The following MAL2 variants were observed in gnomAD, a reference collection of about 807,000 sequenced individuals.
The protein encoded by MAL2 is protein MAL2.
MAL2 carries 17 observed loss-of-function variants against 18.1 expected under a neutral mutation model. The ratio of observed to expected loss-of-function variants is 0.94; its 90% confidence interval spans 0.64 to 1.41. The LOEUF is 1.41. MAL2 is among the 40% of genes most tolerant of loss of function. The pLI is 0.00. For missense variants in MAL2, 222 were observed against 231.9 expected (o/e 0.96, Z 0.28); for synonymous variants, 102 against 102.3 (o/e 1.00, Z 0.02).
chr8:119,220,097 T>A (rs999425114), intron 1 of MAL2, among the ~76,000 whole-genome samples: 1 of 152,160 alleles, frequency 6.6e-6, no homozygotes, highest in Non-Finnish European at 1.5e-5. Flanking sequence ...ACAAATGGCT[T>A]GGAATGCCAG....
intron 2 of MAL2, among the ~76,000 whole-genome samples, chr8:119,229,813 T>C (rs1293110231): frequency 6.6e-6 from 1 of 152,202 alleles, no homozygotes; most frequent in Admixed American, 6.5e-5. Flanking sequence ...CAGGGTTTTT[T>C]TCTCCTTCAC....
At chr8:119,226,657 A>G (rs907947187) in intron 2 of MAL2, among the ~76,000 whole-genome samples, 2 of 141,038 alleles carry the variant, frequency 1.4e-5, no homozygotes, top group South Asian at 4.5e-4. Context: ...GCAATTAAGA[A>G]AGAGGCTGGG....
At chr8:119,224,262 T>C (rs1406610338) in intron 2 of MAL2, 1 of 152,206 alleles carries the variant, frequency 6.6e-6, no homozygotes, top group Admixed American at 6.5e-5. Flanking sequence ...CATTCTATTC[T>C]GGGAAAATAA....
At chr8:119,227,409 T>C (rs1249194424) in intron 2 of MAL2, among the ~76,000 whole-genome samples, 1 of 152,262 alleles carries the variant, frequency 6.6e-6, no homozygotes, top group African/African-American at 2.4e-5. Context: ...AATGATACGC[T>C]CTACAAAGTC....
rs575599447 is a variant in MAL2 at position 119,243,528 on chromosome 8, G to A, written c.*40G>A. 1.3e-6 allele frequency: 2 copies of A among 1,528,578 alleles called. No individual in the cohort carries two copies. The highest frequency in any genetic ancestry group is 1.2e-5 in the South Asian group (1 of 81,128). 94.7% of individuals were successfully genotyped at this position (1,528,578 alleles called of 1,614,324 possible). A position where few individuals can be genotyped will look rare whatever the true frequency, so the allele number is the denominator to read the frequency against. ...TGGCAGTCGTATGTTAGTTTCACTT[G>A]TCTACTTTATATGTCTGATCAATTT... On this transcript the variant is annotated 3_prime_UTR_variant, in exon 4 of 4. Coordinates refer to ENST00000614891, the MANE Select transcript of MAL2 (RefSeq NM_052886.3).
At chr8:119,222,355 C>T (rs1817482304) in intron 2 of MAL2, among the ~76,000 whole-genome samples, 2 of 151,660 alleles carry the variant, frequency 1.3e-5, no homozygotes, top group Admixed American at 6.6e-5. Context: ...ATGGTGACAC[C>T]CCGTCTCTAC....
chr8:119,240,063 A>T, intron 2 of MAL2, 102 bp from the exon 3 acceptor site: 1 of 1,223,494 alleles, frequency 8.2e-7, no homozygotes, highest in East Asian at 2.4e-5. Context: ...AGATTGTTTA[A>T]TTAAATGTTT....
At chr8:119,236,897 G>GCAAA (rs1288874117) in intron 2 of MAL2, among the ~76,000 whole-genome samples, 3 of 149,804 alleles carry the variant, frequency 2.0e-5, no homozygotes, top group East Asian at 2.0e-4. Context: ...AAAAGCAAGA[G>GCAAA]CAAACACATT....
At chr8:119,215,012 G>C (rs1817326334) in intron 1 of MAL2, 1 of 152,738 alleles carries the variant, frequency 6.5e-6, no homozygotes, top group Admixed American at 6.5e-5. Flanking sequence ...AGGGGAGCAG[G>C]AGGCACTGGA....
At chr8:119,242,664 G>A (rs936585951) in intron 3 of MAL2, among the ~76,000 whole-genome samples, 1 of 152,164 alleles carries the variant, frequency 6.6e-6, no homozygotes, top group African/African-American at 2.4e-5. Context: ...TGGTCTATAG[G>A]TGAATCTGGT....
intron 2 of MAL2, among the ~76,000 whole-genome samples, chr8:119,232,274 C>T (rs576659503): frequency 2.0e-5 from 3 of 152,102 alleles, no homozygotes; most frequent in Middle Eastern, 3.4e-3. Context: ...GGACTAGACA[C>T]ACTACATGTT....
At chr8:119,227,627 G>C (rs1423607516) in intron 2 of MAL2, among the ~76,000 whole-genome samples, 1 of 152,168 alleles carries the variant, frequency 6.6e-6, no homozygotes, top group Non-Finnish European at 1.5e-5. Flanking sequence ...ACCCCTCACA[G>C]CTAAACATCA....
chr8:119,223,140 GTTC>G, intron 2 of MAL2: 1 of 152,278 alleles, frequency 6.6e-6, no homozygotes, highest in South Asian at 2.1e-4. Context: ...TTAAATATCT[GTTC>G]TTGTTTTATT....
intron 1 of MAL2, among the ~76,000 whole-genome samples, chr8:119,211,493 G>A (rs574221242): frequency 6.6e-6 from 1 of 152,090 alleles, no homozygotes; most frequent in Non-Finnish European, 1.5e-5. Context: ...TTGGAGTTTG[G>A]TTCTCACACT....
At chr8:119,234,551 A>G (rs995549583) in intron 2 of MAL2, among the ~76,000 whole-genome samples, 4 of 152,154 alleles carry the variant, frequency 2.6e-5, no homozygotes, top group African/African-American at 4.8e-5. Context: ...GCAGACTTAA[A>G]TGTCCCTGTC....
intron 2 of MAL2, among the ~76,000 whole-genome samples, chr8:119,228,393 C>T (rs1424760277): frequency 6.6e-6 from 1 of 152,136 alleles, no homozygotes; most frequent in Non-Finnish European, 1.5e-5. Context: ...GAAGCGATGA[C>T]AAGTGGAGAA....
At position 119,208,810 on chromosome 8, in the gene MAL2, C is replaced by A; in HGVS notation, c.132+206C>A. The A allele has an allele frequency of 1.3e-6, 1 of 773,562 alleles. No homozygotes were observed. Among genetic ancestry groups the A allele is most frequent in the East Asian group, 3.7e-5 (1 of 27,172 alleles). 47.9% of individuals were successfully genotyped at this position (773,562 alleles called of 1,614,324 possible). A position where few individuals can be genotyped will look rare whatever the true frequency, so the allele number is the denominator to read the frequency against. On this transcript the variant is annotated intron_variant, in intron 1 of 3. Transcript: ENST00000614891. The surrounding 1 kb of genome is among the most constrained non-coding windows in gnomAD (Gnocchi z 4.3). ...CTAGCACCTGTTACGCGGGCACCTG[C>A]TCCCCCGCGGGCGACGGAAATTGCC...
At chr8:119,209,421 A>G (rs1015821142) in intron 1 of MAL2, among the ~76,000 whole-genome samples, 4 of 152,164 alleles carry the variant, frequency 2.6e-5, no homozygotes, top group African/African-American at 9.7e-5. Context: ...GTAGCACTTG[A>G]ACTTTTTAAA....
At position 119,208,641 on chromosome 8, in the gene MAL2, G is replaced by C. The variant is rs765331503; in HGVS notation, c.132+37G>C. 7 of 1,275,686 alleles carry C rather than the reference G, an allele frequency of 5.5e-6. No homozygotes were observed. The allele number at this position is 1,275,686 out of a possible 1,614,324, so 79.0% of individuals were successfully genotyped here. A position where few individuals can be genotyped will look rare whatever the true frequency, so the allele number is the denominator to read the frequency against. Reference sequence around the variant, plus strand: ...CGCCGGAGCGAGGGTCGCGCGGGGAGCGAGGACAGGCGGCGGCATCCTTGT... The same window carrying C: ...CGCCGGAGCGAGGGTCGCGCGGGGACCGAGGACAGGCGGCGGCATCCTTGT... On this transcript the variant is annotated intron_variant, in intron 1 of 3. Transcript: ENST00000614891. This position sits in a 1 kb window ranked among gnomAD's most constrained non-coding sequence, Gnocchi z 4.3.
Sources: gnomAD v4.1 joint callset for allele counts (sites outside exome capture counted in the v4.1 genomes callset) on GRCh38, gnomAD v4.1.1 for gene constraint, Gnocchi (gnomAD v3.1) non-coding constraint, MANE v1.5 for transcripts, NCBI Gene and HGNC (gene_info 2026-07-23, HGNC 2026-07-21) for gene names.